MALRD1: variants seen among roughly 807,000 people sequenced by gnomAD.
MALRD1 encodes MAM and LDL receptor class A domain containing 1.
In MALRD1, 247 loss-of-function variants were observed where a neutral mutation model predicts 242.1. That is an observed-to-expected ratio of 1.02 (90% CI 0.92 to 1.13). The LOEUF (loss-of-function observed/expected upper bound fraction) is 1.13, where lower values mean the gene tolerates loss of function less well. MALRD1 is among the 50% of genes most tolerant of loss of function. The probability of loss-of-function intolerance (pLI) is 0.00; values close to 1 mark genes in which losing one functional copy is unlikely to be tolerated. For synonymous variants in MALRD1, 995 were observed against 866.6 expected (o/e 1.15, Z -2.60); for missense variants, 2,989 against 2,533.1 (o/e 1.18, Z -3.86).
Position 19,331,362 on chromosome 10 carries a change from T to G in MALRD1, c.3688-7T>G. The G allele has an allele frequency of 6.5e-7, 1 of 1,549,866 alleles. No individual in the cohort carries two copies. Among genetic ancestry groups the G allele is most frequent in the Non-Finnish European group, 8.7e-7 (1 of 1,146,454 alleles). On this transcript the variant is annotated splice_region_variant and splice_polypyrimidine_tract_variant and intron_variant, in intron 23 of 39. Coordinates refer to ENST00000454679, the MANE Select transcript of MALRD1 (RefSeq NM_001142308.3). ...ACAGTTTAACTGTAACTGGCTTTTTTTTTTAGATTGTCTTCAGAGCCAAAC... is the reference window on the plus strand; with the variant it reads ...ACAGTTTAACTGTAACTGGCTTTTTGTTTTAGATTGTCTTCAGAGCCAAAC...
chr10:19,631,622 G>A (rs1003461719), intron 36 of MALRD1, among the ~76,000 whole-genome samples: 8 of 152,148 alleles, frequency 5.3e-5, no homozygotes, highest in African/African-American at 1.9e-4. Flanking sequence ...AGTGTATAAG[G>A]TTCATTTTTC....
At chr10:19,490,508 G>GGGGT (rs1554783720) in intron 29 of MALRD1, among the ~76,000 whole-genome samples, 1 of 99,448 alleles carries the variant, frequency 1.0e-5, no homozygotes, top group African/African-American at 3.7e-5. Flanking sequence ...AAGTGGGGCG[G>GGGGT]GGGGGGGGCA....
intron 31 of MALRD1, among the ~76,000 whole-genome samples, chr10:19,502,978 C>T (rs1838044368): frequency 1.3e-5 from 2 of 151,964 alleles, no homozygotes; most frequent in African/African-American, 4.8e-5. Flanking sequence ...TGTGTATGTT[C>T]ATCAAAGATC....
chr10:19,664,644 A>T (rs1841595707), intron 36 of MALRD1, among the ~76,000 whole-genome samples: 2 of 152,132 alleles, frequency 1.3e-5, no homozygotes, highest in Middle Eastern at 3.4e-3. Flanking sequence ...CTCCTGTATT[A>T]CTGATACAGT....
At chr10:19,265,259 T>C (rs2484088) in intron 19 of MALRD1, among the ~76,000 whole-genome samples, 138,184 of 151,924 alleles carry the variant, frequency 0.91, 63,064 homozygotes, top group East Asian at 1. Flanking sequence ...TTTCTATTAA[T>C]TTGGAGCTTA....
chr10:19,573,749 C>A (rs1836671642), intron 33 of MALRD1, among the ~76,000 whole-genome samples: 1 of 152,064 alleles, frequency 6.6e-6, no homozygotes. Context: ...AAGAATAATT[C>A]TTAAGTGACC....
rs1489629464 is a variant in MALRD1, at chr10:19,094,230, T to C, written c.597+6045T>C. ...TCAGTTTGATCTCAGACTGCTGTGCTAGCAATCAGCGAGATTCCGTGGGCA... is the reference window on the plus strand; with the variant it reads ...TCAGTTTGATCTCAGACTGCTGTGCCAGCAATCAGCGAGATTCCGTGGGCA... On this transcript the variant is annotated intron_variant, in intron 4 of 39. Transcript: ENST00000454679. Among the ~76,000 whole-genome samples, 2 of 101,638 alleles carry C rather than the reference T, an allele frequency of 2.0e-5. 1 individual carries two copies. Among genetic ancestry groups the C allele is most frequent in the Non-Finnish European group, 4.0e-5 (2 of 50,252 alleles). The allele number at this position is 101,638 out of a possible 152,430, so 66.7% of individuals were successfully genotyped here.
At chr10:19,505,397 C>T (rs939496069) in intron 31 of MALRD1, among the ~76,000 whole-genome samples, 1 of 152,000 alleles carries the variant, frequency 6.6e-6, no homozygotes, top group African/African-American at 2.4e-5. Context: ...CTGTTGTCCT[C>T]ATAAAATGAA....
At chr10:19,127,835 G>A (rs930381178) in intron 7 of MALRD1, among the ~76,000 whole-genome samples, 1 of 148,510 alleles carries the variant, frequency 6.7e-6, no homozygotes, top group African/African-American at 2.5e-5. Context: ...TCATCCAGAG[G>A]GGCAAGAATT....
At chr10:19,122,563 A>G (rs1837100250) in intron 5 of MALRD1, among the ~76,000 whole-genome samples, 1 of 152,072 alleles carries the variant, frequency 6.6e-6, no homozygotes, top group Non-Finnish European at 1.5e-5. Flanking sequence ...GGTGATTGTA[A>G]CAAGCTGGAA....
At chr10:19,060,579 A>T (rs2131224343) in intron 1 of MALRD1, among the ~76,000 whole-genome samples, 1 of 152,148 alleles carries the variant, frequency 6.6e-6, no homozygotes, top group Non-Finnish European at 1.5e-5. Context: ...TTCCAATTCT[A>T]ATTCTATGGA....
chr10:19,231,544 TC>T lies in MALRD1; in HGVS notation c.2991+21869del, dbSNP rs562351753. On this transcript the variant is annotated intron_variant, in intron 18 of 39. Coordinates refer to ENST00000454679, the MANE Select transcript of MALRD1 (RefSeq NM_001142308.3). ...AGATAATTGAATCATAGGGGCGGTT[TC>T]CCCCTGCTGTTCTCGTGGTAGTGAA... Among the ~76,000 whole-genome samples, 3 of 152,270 alleles carry T rather than the reference TC, an allele frequency of 2.0e-5. No individual in the cohort carries two copies. The East Asian group carries it at 5.8e-4, about 29-fold the overall frequency.
chr10:19,394,723 G>A (rs992779383), intron 28 of MALRD1, among the ~76,000 whole-genome samples: 6 of 152,134 alleles, frequency 3.9e-5, no homozygotes, highest in Admixed American at 3.3e-4. Flanking sequence ...AATTTGAAAT[G>A]TTCCAGTGAG....
intron 14 of MALRD1, among the ~76,000 whole-genome samples, chr10:19,182,127 A>G (rs1835533684): frequency 6.6e-6 from 1 of 152,030 alleles, no homozygotes; most frequent in Admixed American, 6.6e-5. Flanking sequence ...CCAGGGATTA[A>G]CAGTTCTAGG....
intron 39 of MALRD1, 88 bp downstream of exon 39, chr10:19,730,869 T>G: frequency 8.3e-7 from 1 of 1,209,148 alleles, no homozygotes; most frequent in East Asian, 2.6e-5. Flanking sequence ...CAGTGTTGCT[T>G]GATCATGTTT....
chr10:19,610,681 A>G (rs1333581588), intron 35 of MALRD1, among the ~76,000 whole-genome samples: 1 of 152,040 alleles, frequency 6.6e-6, no homozygotes, highest in Admixed American at 6.6e-5. Context: ...AGTTGTAGAA[A>G]TTCTGAGATG....
chr10:19,140,543 A>ATGTGTGTGTG (rs34024633), intron 10 of MALRD1, among the ~76,000 whole-genome samples: 13,818 of 146,918 alleles, frequency 0.094, 778 homozygotes, highest in Non-Finnish European at 0.13. Flanking sequence ...GTGTGTGTGT[A>ATGTGTGTGTG]TGTGTGTGTG....
chr10:19,409,279 C>A (rs1027008021), intron 28 of MALRD1, among the ~76,000 whole-genome samples: 1 of 151,944 alleles, frequency 6.6e-6, no homozygotes, highest in African/African-American at 2.4e-5. Flanking sequence ...TTGAAATGAC[C>A]GAATTCCTTC....
chr10:19,698,304 G>A (rs1325751084), intron 38 of MALRD1, among the ~76,000 whole-genome samples: 1 of 152,128 alleles, frequency 6.6e-6, no homozygotes, highest in African/African-American at 2.4e-5. Context: ...TCATACACAA[G>A]TATCACAAGG....
Sources: allele counts gnomAD v4.1 joint callset (sites outside exome capture counted in the v4.1 genomes callset), GRCh38; gene constraint gnomAD v4.1.1; transcripts MANE v1.5; gene names NCBI Gene and HGNC (gene_info 2026-07-23, HGNC 2026-07-21).